Variants in CSMD1 observed in about 807,000 individuals in gnomAD.
CSMD1 encodes the protein CUB and sushi domain-containing protein 1.
In CSMD1, 213 loss-of-function variants were observed where a neutral mutation model predicts 417.5. The observed-to-expected ratio is 0.51, with a 90% CI of 0.46 to 0.57. The LOEUF is 0.57. Among genes scored for constraint, CSMD1 ranks in the 20% least tolerant of loss-of-function variants. CSMD1 has a pLI of 0.00. For synonymous variants in CSMD1, 2,862 were observed against 1,736.8 expected (o/e 1.65, Z -16.11); for missense variants, 6,923 against 4,529.7 (o/e 1.53, Z -15.17).
intron 1 of CSMD1, among the ~76,000 whole-genome samples, chr8:4,761,836 C>CATCTATCTATCT (rs72078338): frequency 2.1e-3 from 254 of 119,176 alleles, no homozygotes; most frequent in Middle Eastern, 8.7e-3. Context: ...TAGTACCATG[C>CATCTATCTATCT]ATCTATCTAT....
At chr8:3,103,476 G>C (rs1815902861) in intron 46 of CSMD1, among the ~76,000 whole-genome samples, 1 of 152,064 alleles carries the variant, frequency 6.6e-6, no homozygotes, top group African/African-American at 2.4e-5. Flanking sequence ...TGGAACACAA[G>C]GGTAAGCATT....
At chr8:3,122,931 T>C (rs1324343000) in intron 41 of CSMD1, among the ~76,000 whole-genome samples, 7 of 152,184 alleles carry the variant, frequency 4.6e-5, no homozygotes, top group African/African-American at 7.2e-5. Flanking sequence ...TATTGGACTG[T>C]TGGAATCTTT....
chr8:3,911,035 T>C (rs547354048), intron 5 of CSMD1, among the ~76,000 whole-genome samples: 1 of 152,250 alleles, frequency 6.6e-6, no homozygotes, highest in Non-Finnish European at 1.5e-5. Context: ...CAGCTAGCCC[T>C]CTGGGGACAC....
At chr8:3,831,641 CA>C (rs1435668274) in intron 5 of CSMD1, among the ~76,000 whole-genome samples, 1 of 152,040 alleles carries the variant, frequency 6.6e-6, no homozygotes, top group Non-Finnish European at 1.5e-5. Flanking sequence ...GGTTTTCCTT[CA>C]AAAGGAATCT....
At chr8:3,864,922 G>C (rs1236049261) in intron 5 of CSMD1, among the ~76,000 whole-genome samples, 1 of 152,150 alleles carries the variant, frequency 6.6e-6, no homozygotes, top group Non-Finnish European at 1.5e-5. Flanking sequence ...GCTCTACGTG[G>C]TCTCGGACTT....
chr8:3,479,815 C>G (rs149846920), intron 11 of CSMD1, among the ~76,000 whole-genome samples: 1 of 151,194 alleles, frequency 6.6e-6, no homozygotes, highest in Non-Finnish European at 1.5e-5. Context: ...AAAGCCAGGT[C>G]GCTTAAAAAT....
At chr8:4,437,521 G>C (rs1371168905) in intron 2 of CSMD1, among the ~76,000 whole-genome samples, 1 of 151,974 alleles carries the variant, frequency 6.6e-6, no homozygotes, top group Admixed American at 6.6e-5. Context: ...ATGTATTTTT[G>C]TCATTTATTT....
At chr8:3,554,747 T>C (rs1799068792) in intron 10 of CSMD1, among the ~76,000 whole-genome samples, 1 of 152,146 alleles carries the variant, frequency 6.6e-6, no homozygotes, top group Admixed American at 6.5e-5. Context: ...AGAGGGTCAA[T>C]ACTTCAGAGC....
At chr8:3,413,432 ACGGCTGGC>A (rs1446364965) in intron 12 of CSMD1, among the ~76,000 whole-genome samples, 1 of 152,176 alleles carries the variant, frequency 6.6e-6, no homozygotes, top group Non-Finnish European at 1.5e-5. Context: ...ATGCATGGCT[ACGGCTGGC>A]CGTGGACAGA....
intron 1 of CSMD1, among the ~76,000 whole-genome samples, chr8:4,710,886 G>GA (rs1366279706): frequency 1.3e-5 from 2 of 151,446 alleles, no homozygotes; most frequent in Non-Finnish European, 2.9e-5. Context: ...AGAACAATGA[G>GA]AAAAAAGACT....
chr8:2,999,893 T>G, intron 53 of CSMD1, 65 bp downstream of exon 53: 1 of 1,430,260 alleles, frequency 7.0e-7, no homozygotes, highest in Non-Finnish European at 9.6e-7. Flanking sequence ...TATTGTGACC[T>G]AATAACAAAA....
chr8:4,902,612 T>G (rs1165382181), intron 1 of CSMD1, among the ~76,000 whole-genome samples: 3 of 152,226 alleles, frequency 2.0e-5, no homozygotes, highest in Non-Finnish European at 1.5e-5. Flanking sequence ...TTGACCATTG[T>G]AATATTTTGA....
intron 1 of CSMD1, among the ~76,000 whole-genome samples, chr8:4,920,043 C>T (rs965589215): frequency 7.9e-5 from 12 of 152,152 alleles, no homozygotes; most frequent in African/African-American, 2.6e-4. Context: ...TGCAGTAGCA[C>T]AAAAGAGCTA....
At chr8:3,124,175 C>A (rs911246582) in intron 41 of CSMD1, among the ~76,000 whole-genome samples, 8 of 151,954 alleles carry the variant, frequency 5.3e-5, no homozygotes, top group African/African-American at 1.2e-4. Flanking sequence ...CCCATATGGG[C>A]AGTACAGTGG....
intron 25 of CSMD1, among the ~76,000 whole-genome samples, chr8:3,285,644 C>G (rs1380763286): frequency 6.6e-6 from 1 of 151,990 alleles, no homozygotes; most frequent in Admixed American, 6.6e-5. Flanking sequence ...GGTGATCCAC[C>G]TGCCTCGGCC....
Position 3,025,992 on chromosome 8 carries a change from C to T in CSMD1, c.7855+3327G>A, listed in dbSNP as rs577987895. 1.4e-4 allele frequency among the ~76,000 whole-genome samples: 22 copies of T among 152,260 alleles called. No individual in the cohort carries two copies. In the South Asian group the frequency reaches 2.9e-3, roughly 20 times the overall value. ...AGGCAGAATTCGAAGGTGGTCCCTA[C>T]GTGTCCCACCCCTGAGTCGAGACAT... is the stretch of plus-strand genomic sequence containing the variant. On this transcript the variant is annotated intron_variant, in intron 51 of 69. Transcript: ENST00000635120.
intron 50 of CSMD1, among the ~76,000 whole-genome samples, chr8:3,038,838 G>A (rs982579254): frequency 2.0e-5 from 3 of 152,196 alleles, no homozygotes; most frequent in Admixed American, 1.3e-4. Context: ...ATGCTATTAC[G>A]GATTTGGCAC....
rs868731519 is a variant in CSMD1 at position 3,768,157 on chromosome 8, G to A, written c.819-14115C>T. Among the ~76,000 whole-genome samples the A allele has an allele frequency of 5.9e-5, 9 of 152,270 alleles. No individual in the cohort carries two copies. The East Asian group carries it at 1.2e-3, about 20-fold the overall frequency. The stretch of plus-strand genomic sequence containing the variant: ...CAGAGAGGGGGTGGACAGTAAGGTA[G>A]GAGAACTAAAGCCCAGAAATTAAGG... On this transcript the variant is annotated intron_variant, in intron 5 of 69. Transcript: ENST00000635120.
chr8:2,980,122 G>A (rs1242632750), intron 54 of CSMD1, among the ~76,000 whole-genome samples: 1 of 152,170 alleles, frequency 6.6e-6, no homozygotes, highest in African/African-American at 2.4e-5. Context: ...AGATATTTTT[G>A]TGTTTATGTT....
Sources: gnomAD v4.1 joint callset for allele counts (sites outside exome capture counted in the v4.1 genomes callset) on GRCh38, gnomAD v4.1.1 for gene constraint, MANE v1.5 for transcripts, NCBI Gene and HGNC (gene_info 2026-07-23, HGNC 2026-07-21) for gene names.